The following DNAH11 variants were observed in gnomAD, a reference collection of about 807,000 sequenced individuals.
DNAH11 encodes the protein dynein axonemal heavy chain 11.
DNAH11 carries 442 observed loss-of-function variants against 526.0 expected under a neutral mutation model. That is an observed-to-expected ratio of 0.84 (90% confidence interval 0.78 to 0.91). The LOEUF (loss-of-function observed/expected upper bound fraction) is 0.91. Ranked by LOEUF, DNAH11 falls within the 40% of genes least tolerant of loss-of-function variation. The pLI is 0.00. For synonymous variants in DNAH11, 2,461 were observed against 1,935.9 expected, an observed-to-expected ratio of 1.27 and a Z score of -7.12; for missense variants, 6,989 against 5,448.7, an observed-to-expected ratio of 1.28 and a Z score of -8.90.
chr7:21,605,289 A>G (rs569413349), intron 18 of DNAH11, among the ~76,000 whole-genome samples: 2 of 152,348 alleles, frequency 1.3e-5, no homozygotes, highest in Admixed American at 1.3e-4. Flanking sequence ...GTAGAGTTCC[A>G]TCACTGTGGG....
chr7:21,647,935 C>T (rs1038122943), intron 28 of DNAH11, among the ~76,000 whole-genome samples: 1 of 152,100 alleles, frequency 6.6e-6, no homozygotes, highest in Admixed American at 6.6e-5. Flanking sequence ...AGGAAGATGA[C>T]ACTAGATGGA....
chr7:21,561,284 A>C (rs4374884), intron 5 of DNAH11, 114 bp downstream of exon 5: 1 of 724,884 alleles, frequency 1.4e-6, no homozygotes, highest in Non-Finnish European at 2.3e-6. Flanking sequence ...GTGATTGCTC[A>C]TGGCTCTTCT....
intron 65 of DNAH11, among the ~76,000 whole-genome samples, chr7:21,841,251 GTTAT>G (rs563666112): frequency 6.8e-4 from 103 of 151,992 alleles, no homozygotes; most frequent in African/African-American, 2.1e-3. Flanking sequence ...ATTTTAATAC[GTTAT>G]TTAAGATACA....
At chr7:21,864,395 C>A in intron 69 of DNAH11, 140 bp from the exon 70 acceptor site, 1 of 612,428 alleles carries the variant, frequency 1.6e-6, no homozygotes, top group Non-Finnish European at 2.6e-6. Context: ...CCTATTTCAA[C>A]AGTAGAACAG....
chr7:21,607,812 C>G (rs1004701547), intron 20 of DNAH11, among the ~76,000 whole-genome samples: 15 of 151,704 alleles, frequency 9.9e-5, no homozygotes, highest in Non-Finnish European at 1.6e-4. Flanking sequence ...GTGGTGGGTG[C>G]CTGTAGTCCC....
At chr7:21,561,288 C>A in intron 5 of DNAH11, 118 bp downstream of exon 5, 1 of 703,644 alleles carries the variant, frequency 1.4e-6, no homozygotes, top group Non-Finnish European at 2.4e-6. Context: ...TTGCTCATGG[C>A]TCTTCTAATG....
intron 25 of DNAH11, among the ~76,000 whole-genome samples, chr7:21,624,091 C>G (rs1335055251): frequency 1.3e-5 from 2 of 152,042 alleles, no homozygotes; most frequent in African/African-American, 4.8e-5. Context: ...AACACTGTTG[C>G]ATTGTTGATT....
chr7:21,855,197 A>G (rs1046199797), intron 68 of DNAH11, among the ~76,000 whole-genome samples: 2 of 151,872 alleles, frequency 1.3e-5, no homozygotes, highest in South Asian at 2.1e-4. Flanking sequence ...ACACCTGGCT[A>G]ATTTTTTGTA....
At chr7:21,616,633 A>G (rs1785796312) in intron 22 of DNAH11, among the ~76,000 whole-genome samples, 1 of 152,104 alleles carries the variant, frequency 6.6e-6, no homozygotes, top group Non-Finnish European at 1.5e-5. Context: ...AACCATAAAC[A>G]TTTTGTATCT....
At chr7:21,884,739 G>A (rs1036715895) in intron 76 of DNAH11, among the ~76,000 whole-genome samples, 21 of 152,298 alleles carry the variant, frequency 1.4e-4, no homozygotes, top group Middle Eastern at 3.4e-3. Flanking sequence ...TTTCTAGACC[G>A]AGATGCTGAA....
intron 65 of DNAH11, among the ~76,000 whole-genome samples, chr7:21,837,213 A>G (rs1782028997): frequency 6.6e-6 from 1 of 152,310 alleles, no homozygotes; most frequent in East Asian, 1.9e-4. Context: ...GAACTACCGT[A>G]TGATCCAGCA....
At chr7:21,753,225 G>A (rs1027413578) in intron 54 of DNAH11, among the ~76,000 whole-genome samples, 2 of 152,078 alleles carry the variant, frequency 1.3e-5, no homozygotes, top group Non-Finnish European at 2.9e-5. Context: ...TTCCAGGCAG[G>A]GGGAAGGAAG....
intron 49 of DNAH11, 142 bp from the exon 50 acceptor site, chr7:21,744,296 A>T (rs1225116258): frequency 1.7e-5 from 16 of 961,234 alleles, no homozygotes; most frequent in South Asian, 6.6e-5. Context: ...ACCTACTTTT[A>T]TACACGAACA....
At chr7:21,812,467 G>C (rs564732129) in intron 63 of DNAH11, among the ~76,000 whole-genome samples, 4 of 151,896 alleles carry the variant, frequency 2.6e-5, no homozygotes, top group Admixed American at 6.6e-5. Flanking sequence ...CCAGGAGTTT[G>C]ATACCAGCCT....
intron 69 of DNAH11, among the ~76,000 whole-genome samples, chr7:21,862,419 G>A (rs560093380): frequency 5.9e-5 from 9 of 152,186 alleles, no homozygotes; most frequent in African/African-American, 2.2e-4. Flanking sequence ...ACAAAACAGC[G>A]ACTGGGTTCG....
intron 11 of DNAH11, 58 bp downstream of exon 11, chr7:21,588,694 T>C: frequency 6.4e-7 from 1 of 1,569,946 alleles, no homozygotes; most frequent in Non-Finnish European, 8.7e-7. Flanking sequence ...TGACATTTTA[T>C]ATAAGAGAGT....
rs755816573 is a variant in DNAH11 at position 21,601,549 on chromosome 7, A to G, written c.3579A>G (p.Leu1193=). 2.2e-5 allele frequency: 36 copies of G among 1,612,066 alleles called. No individual in the cohort carries two copies. Among genetic ancestry groups the G allele is most frequent in the African/African-American group, 4.0e-5 (3 of 74,922 alleles). Reference sequence around the variant, plus strand: ...CTACTGATGAACTCTTTGAACCTCTAAAAGAAACGATCACCCTCTTGGAAA... The same window carrying G: ...CTACTGATGAACTCTTTGAACCTCTGAAAGAAACGATCACCCTCTTGGAAA... ...QRATDELFEP[L]KETITLLESY... Residue 1193 remains leucine (L), a synonymous_variant, in exon 18 of 82, where the codon CTA becomes CTG. Transcript: ENST00000409508.
intron 14 of DNAH11, among the ~76,000 whole-genome samples, chr7:21,598,838 A>G (rs376155591): frequency 7.9e-5 from 12 of 152,172 alleles, no homozygotes; most frequent in East Asian, 1.9e-4. Flanking sequence ...AAAATGCAGT[A>G]TTTGGTTTTC....
Position 21,854,308 on chromosome 7 carries a change from A to T in DNAH11, c.11062-7A>T. The T allele has an allele frequency of 6.2e-7, 1 of 1,613,510 alleles. No homozygotes were observed. Among genetic ancestry groups the T allele is most frequent in the Non-Finnish European group, 8.5e-7 (1 of 1,179,696 alleles). Reference sequence around the variant, plus strand: ...TAAGTTACTTATTTTGTTTGATCCCACCATAGGTGATTGAAGCCAAAGAAA... The same window carrying T: ...TAAGTTACTTATTTTGTTTGATCCCTCCATAGGTGATTGAAGCCAAAGAAA... On this transcript the variant is annotated splice_region_variant and splice_polypyrimidine_tract_variant and intron_variant, in intron 67 of 81. Coordinates refer to ENST00000409508, the MANE Select transcript of DNAH11 (RefSeq NM_001277115.2).
Sources: allele counts gnomAD v4.1 joint callset (sites outside exome capture counted in the v4.1 genomes callset), GRCh38; gene constraint gnomAD v4.1.1; transcripts MANE v1.5; gene names NCBI Gene and HGNC (gene_info 2026-07-23, HGNC 2026-07-21).